PRC1: variants seen among roughly 807,000 people sequenced by gnomAD.
PRC1 encodes the protein anaphase spindle elongation 1 homolog.
In PRC1, 54 loss-of-function variants were observed where a neutral mutation model predicts 91.2. The observed-to-expected ratio is 0.59, with a 90% CI of 0.48 to 0.74. The LOEUF (loss-of-function observed/expected upper bound fraction) is 0.74. Among genes scored for constraint, PRC1 ranks in the 30% least tolerant of loss-of-function variants. PRC1 has a pLI of 0.00. For missense variants in PRC1, 727 were observed against 746.2 expected (o/e 0.97, Z 0.30); for synonymous variants, 275 against 263.6 (o/e 1.04, Z -0.42).
At chr15:90,967,764 A>G in intron 14 of PRC1, 4 of 895,380 alleles carry the variant, frequency 4.5e-6, no homozygotes, top group Non-Finnish European at 5.3e-6. Context: ...ACTGTTAAGT[A>G]CACTCTGATA....
intron 5 of PRC1, 103 bp downstream of exon 5, chr15:90,981,396 C>T (rs1046225514): frequency 1.1e-4 from 151 of 1,341,094 alleles, no homozygotes; most frequent in Non-Finnish European, 2.7e-5. Flanking sequence ...CATTCTCTTA[C>T]CTTACATTGT....
chr15:90,968,056 G>A (rs1340971631), intron 14 of PRC1: 2 of 985,240 alleles, frequency 2.0e-6, no homozygotes, highest in Non-Finnish European at 2.4e-6. Flanking sequence ...ATTAGCAGAG[G>A]TTAGTTTACC....
chr15:90,967,040 G>T lies in PRC1; in HGVS notation c.*91C>A. On this transcript the variant is annotated 3_prime_UTR_variant, in exon 15 of 15. Transcript: ENST00000394249. ...GGAACCTGGCCAAGGTTTCAAGCACGCCTAAGCTGAAGAAAAACTAAAGTC... is the reference window on the plus strand; with the variant it reads ...GGAACCTGGCCAAGGTTTCAAGCACTCCTAAGCTGAAGAAAAACTAAAGTC... The T allele has an allele frequency of 8.5e-7, 1 of 1,169,956 alleles. No individual in the cohort carries two copies. The highest frequency in any genetic ancestry group is 1.3e-6 in the Non-Finnish European group (1 of 784,962). The allele number at this position is 1,169,956 out of a possible 1,614,324, so 72.5% of individuals were successfully genotyped here. A position where few individuals can be genotyped will look rare whatever the true frequency, so the allele number is the denominator to read the frequency against.
chr15:90,981,036 A>G lies in PRC1; in HGVS notation c.673-3T>C. On this transcript the variant is annotated splice_region_variant and splice_polypyrimidine_tract_variant and intron_variant, in intron 5 of 14. Coordinates refer to ENST00000394249, the MANE Select transcript of PRC1 (RefSeq NM_003981.4). ...TTTTGTGATTTCTGCATTTCCAGCT[A>G]CAGCATAGAAAGCCAGTGTCACTCA... is the stretch of plus-strand genomic sequence containing the variant. 1 of 1,614,072 alleles carries G rather than the reference A, an allele frequency of 6.2e-7. No homozygotes were observed. Among genetic ancestry groups the G allele is most frequent in the Non-Finnish European group, 8.5e-7 (1 of 1,180,020 alleles).
chr15:90,983,428 G>A (rs2039357110), intron 3 of PRC1, among the ~76,000 whole-genome samples: 1 of 152,130 alleles, frequency 6.6e-6, no homozygotes, highest in Non-Finnish European at 1.5e-5. Context: ...TCCTTGCTGT[G>A]TCCTCACTCA....
chr15:90,966,061 G>GT lies in PRC1; in HGVS notation c.*1069_*1070insA, dbSNP rs2037460617. On this transcript the variant is annotated 3_prime_UTR_variant, in exon 15 of 15. Transcript: ENST00000394249. ...TATCTTTTTGAAATGTAAGTATACAGATTTTAATTTATTTTTAAGAATAAT... is the reference window on the plus strand; with the variant it reads ...TATCTTTTTGAAATGTAAGTATACAGTATTTTAATTTATTTTTAAGAATAAT... 6.6e-6 allele frequency: 1 copy of GT among 152,198 alleles called. No homozygotes were observed. The highest frequency in any genetic ancestry group is 1.5e-5 in the Non-Finnish European group (1 of 68,058). The allele number at this position is 152,198 out of a possible 1,614,324, so 9.4% of individuals were successfully genotyped here.
In PRC1 at chr15:90,967,220, A is replaced by G. The variant is rs754787685; in HGVS notation, c.1792-18T>C. The G allele has an allele frequency of 6.2e-7, 1 of 1,605,554 alleles. No individual in the cohort carries two copies. The highest frequency in any genetic ancestry group is 8.5e-7 in the Non-Finnish European group (1 of 1,172,230). On this transcript the variant is annotated intron_variant, in intron 14 of 14. Coordinates refer to ENST00000394249, the MANE Select transcript of PRC1 (RefSeq NM_003981.4). Reference sequence around the variant, plus strand: ...AGTTCTCGCTGTTGAAAAATAAATAACATCAGTGGCCATACTGCCTCTCTT... The same window carrying G: ...AGTTCTCGCTGTTGAAAAATAAATAGCATCAGTGGCCATACTGCCTCTCTT...
chr15:90,968,442 C>A, intron 14 of PRC1: 1 of 985,698 alleles, frequency 1.0e-6, no homozygotes, highest in Non-Finnish European at 1.2e-6. Context: ...ATCCTCTCCT[C>A]TTGCTAGTAA....
At chr15:90,981,323 G>GT in intron 5 of PRC1, 176 bp downstream of exon 5, 1 of 762,996 alleles carries the variant, frequency 1.3e-6, no homozygotes. Context: ...CCATATAAAG[G>GT]TTTTTTAACT....
At chr15:90,967,943 C>T (rs972768081) in intron 14 of PRC1, 3 of 985,278 alleles carry the variant, frequency 3.0e-6, no homozygotes, top group Admixed American at 6.1e-5. Context: ...CTACCAATCC[C>T]TGGGGCTGAG....
intron 8 of PRC1, 82 bp downstream of exon 8, chr15:90,979,076 G>A (rs545213562): frequency 9.8e-4 from 1,439 of 1,463,332 alleles, no homozygotes; most frequent in Non-Finnish European, 1.3e-3. Flanking sequence ...TCAAAAGCCT[G>A]GCAAAGAACA....
Position 90,974,458 on chromosome 15 carries a change from G to T in PRC1, c.1350+127C>A, listed in dbSNP as rs1257720669. ...CCCGTTCCACAAGCCCCGGTCCCCG[G>T]CTTCCCGTTCCACAAGCCCCGGTCC... On this transcript the variant is annotated intron_variant, in intron 10 of 14. Coordinates refer to ENST00000394249, the MANE Select transcript of PRC1 (RefSeq NM_003981.4). The surrounding 1 kb of genome is among the most constrained non-coding windows in gnomAD (Gnocchi z 4.6). 1.4e-6 allele frequency: 2 copies of T among 1,394,102 alleles called. No individual in the cohort carries two copies. The highest frequency in any genetic ancestry group is 2.3e-5 in the East Asian group (1 of 43,502). The allele number at this position is 1,394,102 out of a possible 1,614,324, so 86.4% of individuals were successfully genotyped here.
intron 14 of PRC1, chr15:90,967,778 G>T: frequency 1.1e-6 from 1 of 925,846 alleles, no homozygotes; most frequent in South Asian, 5.0e-5. Context: ...TCTGATATGT[G>T]CACAATGAAA....
At chr15:90,977,929 AAAG>A (rs2038873550) in intron 8 of PRC1, among the ~76,000 whole-genome samples, 1 of 152,166 alleles carries the variant, frequency 6.6e-6, no homozygotes, top group Non-Finnish European at 1.5e-5. Context: ...AACCAGAAGT[AAAG>A]AATAACTGAG....
intron 1 of PRC1, chr15:90,988,426 C>A (rs1192911406): frequency 6.6e-6 from 1 of 152,166 alleles, no homozygotes; most frequent in Non-Finnish European, 1.5e-5. Flanking sequence ...CCCATCAGAT[C>A]CCCGCTTAAC....
chr15:90,982,075 T>C, intron 3 of PRC1, 94 bp from the exon 4 acceptor site: 3 of 1,131,762 alleles, frequency 2.7e-6, no homozygotes, highest in South Asian at 2.9e-5. Context: ...TGACAGACTT[T>C]CAGTTAAACT....
intron 1 of PRC1, among the ~76,000 whole-genome samples, chr15:90,985,564 CTT>C (rs71154157): frequency 6.7e-5 from 9 of 135,092 alleles, no homozygotes; most frequent in African/African-American, 1.7e-4. Flanking sequence ...TTTTTATTTT[CTT>C]TTTTTTTTTT....
At position 90,974,509 on chromosome 15, in the gene PRC1, G is replaced by T. The variant is rs910068441; in HGVS notation, c.1350+76C>A. 22 of 1,585,718 alleles carry T rather than the reference G, an allele frequency of 1.4e-5. No individual in the cohort carries two copies. In the Middle Eastern group the frequency reaches 1.2e-3, roughly 85 times the overall value. On this transcript the variant is annotated intron_variant, in intron 10 of 14. Transcript: ENST00000394249. The surrounding 1 kb of genome is among the most constrained non-coding windows in gnomAD (Gnocchi z 4.6). ...CCGGCTCCCTGTTCCACAAACCCTG[G>T]TCCCCGGCAGAGACTATGGGCTGCT...
chr15:90,991,866 A>C (rs946230224), intron 1 of PRC1, among the ~76,000 whole-genome samples: 1 of 152,066 alleles, frequency 6.6e-6, no homozygotes, highest in Non-Finnish European at 1.5e-5. Context: ...CCAAGTCCTA[A>C]TCTTCTACTC....
Sources: gnomAD v4.1 joint callset for allele counts (sites outside exome capture counted in the v4.1 genomes callset) on GRCh38, gnomAD v4.1.1 for gene constraint, Gnocchi (gnomAD v3.1) non-coding constraint, MANE v1.5 for transcripts, NCBI Gene and HGNC (gene_info 2026-07-23, HGNC 2026-07-21) for gene names.